The following CEP112 variants were observed in gnomAD, a reference collection of about 807,000 sequenced individuals.
CEP112 encodes centrosomal protein 112.
CEP112 carries 127 observed loss-of-function variants against 153.0 expected under a neutral mutation model. The observed-to-expected ratio is 0.83, with a 90% CI of 0.72 to 0.96. The LOEUF (loss-of-function observed/expected upper bound fraction) is 0.96. Ranked by LOEUF, CEP112 falls within the 40% of genes least tolerant of loss-of-function variation. The pLI is 0.00. For synonymous variants in CEP112, 358 were observed against 374.4 expected (o/e 0.96, Z 0.51); for missense variants, 1,089 against 1,101.2 (o/e 0.99, Z 0.16).
At chr17:65,972,308 G>T (rs970561372) in intron 17 of CEP112, among the ~76,000 whole-genome samples, 1 of 151,890 alleles carries the variant, frequency 6.6e-6, no homozygotes, top group Non-Finnish European at 1.5e-5. Flanking sequence ...ATGGACCAAA[G>T]AAAAAATAAA....
At chr17:66,007,068 G>A (rs538996516) in intron 16 of CEP112, among the ~76,000 whole-genome samples, 1 of 152,166 alleles carries the variant, frequency 6.6e-6, no homozygotes, top group Middle Eastern at 3.4e-3. Context: ...AATTCTTTTG[G>A]ATTTCTGCTC....
intron 4 of CEP112, among the ~76,000 whole-genome samples, chr17:66,134,324 T>C (rs529817767): frequency 1.3e-5 from 2 of 152,300 alleles, no homozygotes; most frequent in South Asian, 2.1e-4. Flanking sequence ...ACCCTCACGA[T>C]AAATTTTCAA....
At chr17:66,024,365 G>C (rs547913434) in intron 16 of CEP112, among the ~76,000 whole-genome samples, 2 of 152,108 alleles carry the variant, frequency 1.3e-5, no homozygotes, top group South Asian at 4.1e-4. Flanking sequence ...AATAGAAAAA[G>C]AGGAAGTCAA....
chr17:65,815,134 T>C (rs1327494950), intron 21 of CEP112, among the ~76,000 whole-genome samples: 1 of 152,126 alleles, frequency 6.6e-6, no homozygotes, highest in East Asian at 1.9e-4. Context: ...CCTATGTTTC[T>C]TCCAAGGGTT....
At chr17:65,827,050 T>C (rs565700886) in intron 21 of CEP112, among the ~76,000 whole-genome samples, 1 of 152,346 alleles carries the variant, frequency 6.6e-6, no homozygotes, top group South Asian at 2.1e-4. Flanking sequence ...CCTTCATCTT[T>C]CTGCCATGCT....
At chr17:65,962,288 C>A (rs2062233713) in intron 17 of CEP112, among the ~76,000 whole-genome samples, 2 of 151,416 alleles carry the variant, frequency 1.3e-5, no homozygotes, top group African/African-American at 4.9e-5. Flanking sequence ...TTTTTTAAAA[C>A]AATGTACAAA....
chr17:65,685,038 T>A (rs1455576512), intron 24 of CEP112, among the ~76,000 whole-genome samples: 2 of 152,232 alleles, frequency 1.3e-5, no homozygotes, highest in Non-Finnish European at 2.9e-5. Context: ...GAAAATTTAT[T>A]TTCTGATTCT....
chr17:65,869,787 G>A (rs550194252), intron 20 of CEP112, among the ~76,000 whole-genome samples: 8 of 151,678 alleles, frequency 5.3e-5, no homozygotes, highest in South Asian at 4.2e-4. Context: ...GGGTTTCACC[G>A]TGTTAGCCAG....
chr17:66,010,085 A>G (rs2064451764), intron 16 of CEP112, among the ~76,000 whole-genome samples: 1 of 152,188 alleles, frequency 6.6e-6, no homozygotes, highest in African/African-American at 2.4e-5. Flanking sequence ...GATTCTTCCT[A>G]TCCATGAGGA....
At chr17:66,109,627 G>T (rs1483553280) in intron 6 of CEP112, among the ~76,000 whole-genome samples, 6 of 151,656 alleles carry the variant, frequency 4.0e-5, no homozygotes, top group African/African-American at 1.5e-4. Flanking sequence ...AAAAGATTAG[G>T]GCTAAAGACT....
intron 17 of CEP112, among the ~76,000 whole-genome samples, chr17:65,999,868 G>T (rs961084564): frequency 2.6e-5 from 4 of 152,056 alleles, no homozygotes; most frequent in Non-Finnish European, 5.9e-5. Context: ...ATGGCCTCCA[G>T]CTCTAGTCAT....
intron 19 of CEP112, among the ~76,000 whole-genome samples, chr17:65,922,659 TA>T (rs1334568475): frequency 2.0e-5 from 3 of 152,210 alleles, no homozygotes; most frequent in African/African-American, 7.2e-5. Flanking sequence ...TGTAGTATCA[TA>T]ACCTCTGACT....
chr17:66,089,154 C>T (rs1351448630), intron 8 of CEP112, among the ~76,000 whole-genome samples: 1 of 152,146 alleles, frequency 6.6e-6, no homozygotes, highest in African/African-American at 2.4e-5. Flanking sequence ...ATAGGCCAAA[C>T]AGCCTGCCCA....
chr17:65,755,708 G>A (rs998666434), intron 21 of CEP112, among the ~76,000 whole-genome samples: 7 of 151,874 alleles, frequency 4.6e-5, no homozygotes, highest in Admixed American at 2.6e-4. Context: ...AGTCAAGGAT[G>A]ACTTCAAGAT....
chr17:65,823,629 TC>T (rs2056699822), intron 21 of CEP112, among the ~76,000 whole-genome samples: 1 of 152,106 alleles, frequency 6.6e-6, no homozygotes. Context: ...ACCAAAAACA[TC>T]ATCTATAAAA....
intron 2 of CEP112, among the ~76,000 whole-genome samples, chr17:66,178,835 G>A (rs1014166688): frequency 3.3e-5 from 5 of 152,024 alleles, no homozygotes; most frequent in African/African-American, 1.2e-4. Flanking sequence ...TTTTTGCTGT[G>A]AAAATTACGT....
chr17:65,671,233 C>T (rs947955451), intron 24 of CEP112, among the ~76,000 whole-genome samples: 5 of 152,120 alleles, frequency 3.3e-5, no homozygotes, highest in African/African-American at 1.2e-4. Flanking sequence ...AGGGTGACAT[C>T]ACAGAAAAGA....
At chr17:65,645,596 T>C (rs1274635126) in intron 24 of CEP112, among the ~76,000 whole-genome samples, 1 of 152,226 alleles carries the variant, frequency 6.6e-6, no homozygotes. Flanking sequence ...TAGATATGTC[T>C]CTTCTTTTTT....
chr17:65,928,015 T>A (rs1318722323), intron 18 of CEP112, among the ~76,000 whole-genome samples: 2 of 152,184 alleles, frequency 1.3e-5, no homozygotes, highest in African/African-American at 2.4e-5. Context: ...GATAAAATAT[T>A]TCCAAATCAT....
Sources: gnomAD v4.1 joint callset for allele counts (sites outside exome capture counted in the v4.1 genomes callset) on GRCh38, gnomAD v4.1.1 for gene constraint, MANE v1.5 for transcripts, NCBI Gene and HGNC (gene_info 2026-07-23, HGNC 2026-07-21) for gene names.